CAMK4: variants seen among roughly 807,000 people sequenced by gnomAD.
The protein encoded by CAMK4 is calcium/calmodulin dependent protein kinase IV, also known as calcium/calmodulin-dependent protein kinase type IV.
CAMK4 carries 22 observed loss-of-function variants against 44.9 expected under a neutral mutation model. The ratio of observed to expected loss-of-function variants is 0.49; its 90% CI spans 0.35 to 0.70. The LOEUF is 0.70. Among genes scored for constraint, CAMK4 ranks in the 30% least tolerant of loss-of-function variants. The probability of loss-of-function intolerance (pLI) is 0.01; values close to 1 mark genes in which losing one functional copy is unlikely to be tolerated. For missense variants in CAMK4, 498 were observed against 586.8 expected, an observed-to-expected ratio of 0.85 and a Z score of 1.56; for synonymous variants, 218 against 215.4, an observed-to-expected ratio of 1.01 and a Z score of -0.11.
chr5:111,443,243 C>T (rs60640732), intron 5 of CAMK4, among the ~76,000 whole-genome samples: 343 of 72,212 alleles, frequency 4.7e-3, no homozygotes, highest in Admixed American at 0.011. Context: ...CTCCCCCTAC[C>T]ATATATATAT....
chr5:111,355,999 G>A (rs1215871579), intron 2 of CAMK4, among the ~76,000 whole-genome samples: 1 of 91,734 alleles, frequency 1.1e-5, no homozygotes, highest in Non-Finnish European at 2.3e-5. Context: ...ATGATTTATA[G>A]GCCTTTGGGT....
chr5:111,412,260 A>G (rs574472413), intron 5 of CAMK4, among the ~76,000 whole-genome samples: 24 of 152,092 alleles, frequency 1.6e-4, no homozygotes, highest in Non-Finnish European at 3.1e-4. Context: ...CTAAAAAAAC[A>G]GTTTTCCCAA....
At chr5:111,481,636 C>CCAAG (rs1218576339) in intron 9 of CAMK4, among the ~76,000 whole-genome samples, 1 of 152,162 alleles carries the variant, frequency 6.6e-6, no homozygotes, top group East Asian at 1.9e-4. Flanking sequence ...CATGAGCAGG[C>CCAAG]CAAGGTACAG....
intron 8 of CAMK4, among the ~76,000 whole-genome samples, chr5:111,474,933 C>T (rs1410708115): frequency 2.6e-5 from 4 of 152,114 alleles, no homozygotes; most frequent in African/African-American, 7.2e-5. Context: ...GAGGCCGAGA[C>T]GGGTGGATCC....
At chr5:111,469,756 C>T (rs886445101) in intron 7 of CAMK4, among the ~76,000 whole-genome samples, 1 of 152,156 alleles carries the variant, frequency 6.6e-6, no homozygotes. Flanking sequence ...AACAGGTCTG[C>T]AGGTTAGAAT....
intron 1 of CAMK4, among the ~76,000 whole-genome samples, chr5:111,245,170 G>A (rs948882796): frequency 1.3e-4 from 20 of 152,026 alleles, no homozygotes; most frequent in African/African-American, 4.6e-4. Flanking sequence ...GATTCCATAA[G>A]TTATTTACAA....
rs1755532311 is a variant in CAMK4 at position 111,484,207 on chromosome 5, A to T, written c.1163A>T (p.Lys388Met). ...GGCGATGGGGCCCAAGCCGCAGTTA[A>T]GGGGGCACAGGCTGAGCTGATGAAG... ...IQGDGAQAAV[K>M]GAQAELMKVQ... Residue 388 changes from lysine (K) to methionine (M), a missense_variant, in exon 11 of 11, where the codon AAG (lysine) becomes ATG (methionine). Around this residue, in one of 3 missense-constraint regions of CAMK4, gnomAD observed 143 missense variants for 144.9 expected, o/e 0.99. Transcript: ENST00000282356. This position sits in a 1 kb window ranked among gnomAD's most constrained non-coding sequence, Gnocchi z 5.3. The T allele has an allele frequency of 6.2e-7, 1 of 1,614,018 alleles. No individual in the cohort carries two copies.
At chr5:111,362,724 T>C (rs1271872790) in intron 2 of CAMK4, among the ~76,000 whole-genome samples, 1 of 152,036 alleles carries the variant, frequency 6.6e-6, no homozygotes, top group Admixed American at 6.6e-5. Context: ...AGTTTCTTTT[T>C]CATAAGACCA....
At chr5:111,414,142 A>G (rs1752728361) in intron 5 of CAMK4, among the ~76,000 whole-genome samples, 1 of 152,204 alleles carries the variant, frequency 6.6e-6, no homozygotes, top group Admixed American at 6.5e-5. Flanking sequence ...CTAAGTATTC[A>G]GGACCAGGGA....
intron 1 of CAMK4, among the ~76,000 whole-genome samples, chr5:111,264,624 C>T (rs1052011484): frequency 1.3e-5 from 2 of 152,088 alleles, no homozygotes; most frequent in Non-Finnish European, 2.9e-5. Context: ...AAATTCACTG[C>T]CGATATCCGT....
chr5:111,400,396 T>G (rs1381653176), intron 5 of CAMK4, among the ~76,000 whole-genome samples: 1 of 152,226 alleles, frequency 6.6e-6, no homozygotes, highest in Non-Finnish European at 1.5e-5. Flanking sequence ...AGGTGGGAAC[T>G]CAGAGTAATC....
rs977913979 is a variant in CAMK4, at chr5:111,290,167, A to G, written c.162-53857A>G. ...CAACACATAAACCCTGTTTTGGAGT[A>G]TAGACGCCTGCTCCCCTACCCATAA... On this transcript the variant is annotated intron_variant, in intron 1 of 10. Coordinates refer to ENST00000282356, the MANE Select transcript of CAMK4 (RefSeq NM_001744.6). The surrounding 1 kb of genome is among the most constrained non-coding windows in gnomAD (Gnocchi z 4.5). Among the ~76,000 whole-genome samples, 3 of 152,170 alleles carry G rather than the reference A, an allele frequency of 2.0e-5. No individual in the cohort carries two copies. The highest frequency in any genetic ancestry group is 2.0e-4 in the Admixed American group (3 of 15,284).
At chr5:111,427,723 A>G (rs1185036605) in intron 5 of CAMK4, among the ~76,000 whole-genome samples, 3 of 152,192 alleles carry the variant, frequency 2.0e-5, no homozygotes, top group African/African-American at 4.8e-5. Flanking sequence ...CTGCAATACA[A>G]CAGAATACCA....
chr5:111,269,204 C>T (rs77134914), intron 1 of CAMK4, among the ~76,000 whole-genome samples: 1 of 152,192 alleles, frequency 6.6e-6, no homozygotes, highest in South Asian at 2.1e-4. Context: ...GTGAGCTGAT[C>T]TTCTGCAATG....
chr5:111,406,701 G>C (rs1285536569), intron 5 of CAMK4, among the ~76,000 whole-genome samples: 4 of 152,114 alleles, frequency 2.6e-5, no homozygotes, highest in Admixed American at 6.6e-5. Context: ...GCTACTGAAA[G>C]TAAACGCAAG....
intron 1 of CAMK4, among the ~76,000 whole-genome samples, chr5:111,291,620 G>C (rs1251877549): frequency 6.6e-6 from 1 of 152,188 alleles, no homozygotes; most frequent in Non-Finnish European, 1.5e-5. Flanking sequence ...CTGGGCCAAA[G>C]TGATCCTCTT....
In CAMK4 at chr5:111,362,234, A is replaced by G. The variant is rs117843569; in HGVS notation, c.241-12616A>G. 1.8e-4 allele frequency among the ~76,000 whole-genome samples: 28 copies of G among 152,180 alleles called. 1 individual carries two copies. The East Asian group carries it at 5.0e-3, about 27-fold the overall frequency. On this transcript the variant is annotated intron_variant, in intron 2 of 10. Coordinates refer to ENST00000282356, the MANE Select transcript of CAMK4 (RefSeq NM_001744.6). Reference sequence around the variant, plus strand: ...ATTAAGGGACTTGATTAAAGACTCTAAATGATCAAGCCAGGATTCAAATTG... The same window carrying G: ...ATTAAGGGACTTGATTAAAGACTCTGAATGATCAAGCCAGGATTCAAATTG...
chr5:111,252,360 T>C (rs1047404841), intron 1 of CAMK4, among the ~76,000 whole-genome samples: 2 of 152,216 alleles, frequency 1.3e-5, no homozygotes, highest in South Asian at 2.1e-4. Flanking sequence ...TACCTTCTTA[T>C]ACATTTTTGT....
intron 1 of CAMK4, among the ~76,000 whole-genome samples, chr5:111,331,255 A>G (rs1435583582): frequency 7.7e-6 from 1 of 129,694 alleles, no homozygotes; most frequent in African/African-American, 2.6e-5. Flanking sequence ...TAATAAAAAC[A>G]AAGTTATATT....
Sources: allele counts gnomAD v4.1 joint callset (sites outside exome capture counted in the v4.1 genomes callset), GRCh38; gene constraint gnomAD v4.1.1; regional missense constraint gnomAD v4.1.1; non-coding constraint Gnocchi (gnomAD v3.1); transcripts MANE v1.5; gene names NCBI Gene and HGNC (gene_info 2026-07-23, HGNC 2026-07-21).